DZIP1L: variants seen among roughly 807,000 people sequenced by gnomAD.
DZIP1L encodes cilium assembly protein DZIP1L.
In DZIP1L, 90 loss-of-function variants were observed where a neutral mutation model predicts 88.7. The observed-to-expected ratio is 1.02, with a 90% confidence interval of 0.86 to 1.21. The LOEUF (loss-of-function observed/expected upper bound fraction) is 1.21, where lower values mean the gene tolerates loss of function less well. Ranked by LOEUF, DZIP1L falls within the 50% of genes most tolerant of loss-of-function variation. The pLI is 0.00. For synonymous variants in DZIP1L, 363 were observed against 372.1 expected, an observed-to-expected ratio of 0.98 and a Z score of 0.28; for missense variants, 932 against 955.8, an observed-to-expected ratio of 0.98 and a Z score of 0.33.
intron 2 of DZIP1L, chr3:138,102,952 C>A (rs1455339383): frequency 5.8e-6 from 3 of 519,880 alleles, no homozygotes; most frequent in South Asian, 2.0e-5. Flanking sequence ...TGGGCTGAAC[C>A]AGGCGGAGAT....
chr3:138,062,787 C>A lies in DZIP1L; in HGVS notation c.*29G>T, dbSNP rs760057894. The A allele has an allele frequency of 6.2e-7, 1 of 1,612,182 alleles. No homozygotes were observed. Among genetic ancestry groups the A allele is most frequent in the Admixed American group, 1.7e-5 (1 of 59,996 alleles). On this transcript the variant is annotated 3_prime_UTR_variant, in exon 16 of 16. Transcript: ENST00000327532. Reference sequence around the variant, plus strand: ...CCTGAGCTGGCCCCAGCCAGGCTAACCCTCTAGCCAGCTAGCTTCTGGGGT... The same window carrying A: ...CCTGAGCTGGCCCCAGCCAGGCTAAACCTCTAGCCAGCTAGCTTCTGGGGT...
chr3:138,071,941 C>T (rs1943201054), intron 11 of DZIP1L, 106 bp from the exon 12 acceptor site: 2 of 1,124,744 alleles, frequency 1.8e-6, no homozygotes, highest in Non-Finnish European at 2.5e-6. Context: ...GTGATCAGTG[C>T]CTGGTGCTTT....
Position 138,067,570 on chromosome 3 carries a change from T to TTA in DZIP1L, c.1962_1963insTA (p.Thr655Ter), listed in dbSNP as rs1559821997. 1 of 1,610,460 alleles carries TTA rather than the reference T, an allele frequency of 6.2e-7. No individual in the cohort carries two copies. The highest frequency in any genetic ancestry group is 1.1e-5 in the South Asian group (1 of 90,396). ...GGGGGCTGGGCATTCTCCTCCGAGG[T>TTA]CTCTGTGTCAGACCAGTCCCAGTCA... On this transcript the variant is annotated frameshift_variant, in exon 14 of 16. Coordinates refer to ENST00000327532, the MANE Select transcript of DZIP1L (RefSeq NM_173543.3). LOFTEE classifies it high-confidence loss of function.
At chr3:138,068,122 G>A (rs745660963) in intron 13 of DZIP1L, 29 bp downstream of exon 13, 2 of 1,457,196 alleles carry the variant, frequency 1.4e-6, no homozygotes, top group Non-Finnish European at 1.8e-6. Context: ...CACTGCAGGT[G>A]GGGTGAGAGG....
At chr3:138,071,965 G>A (rs781547395) in intron 11 of DZIP1L, 130 bp from the exon 12 acceptor site, 8 of 877,504 alleles carry the variant, frequency 9.1e-6, no homozygotes, top group African/African-American at 1.7e-5. Context: ...TGCAGGACTG[G>A]GGGGCATGAA....
rs1942750818 is a variant in DZIP1L at position 138,062,781 on chromosome 3, G to A, written c.*35C>T. ...AGTGGACCTGAGCTGGCCCCAGCCA[G>A]GCTAACCCTCTAGCCAGCTAGCTTC... On this transcript the variant is annotated 3_prime_UTR_variant, in exon 16 of 16. Transcript: ENST00000327532. 2 of 1,611,486 alleles carry A rather than the reference G, an allele frequency of 1.2e-6. No individual in the cohort carries two copies. The highest frequency in any genetic ancestry group is 3.3e-5 in the Admixed American group (2 of 59,988).
At position 138,092,531 on chromosome 3, in the gene DZIP1L, A is replaced by G. The variant is rs878932080; in HGVS notation, c.722T>C (p.Ile241Thr). The G allele has an allele frequency of 1.9e-6, 3 of 1,586,044 alleles. No individual in the cohort carries two copies. Among genetic ancestry groups the G allele is most frequent in the African/African-American group, 2.7e-5 (2 of 73,352 alleles). The change falls in exon 5 of 16, where the codon ATT becomes ACT. Residue 241 changes from isoleucine (I) to threonine (T), a missense_variant. Transcript: ENST00000327532. The part of the protein sequence containing the change: ...RQRQLQEAEL[I>T]HQREIEAKKE... ...CTTAGCTTCTATTTCCCTCTGATGA[A>G]TGAGCTCTGCTTCCTAAAAAGAAGA...
intron 11 of DZIP1L, 129 bp from the exon 12 acceptor site, chr3:138,071,964 G>A (rs972252564): frequency 6.8e-6 from 6 of 876,568 alleles, no homozygotes; most frequent in Admixed American, 5.8e-5. Flanking sequence ...TTGCAGGACT[G>A]GGGGGCATGA....
At chr3:138,095,091 T>C in intron 3 of DZIP1L, 108 bp from the exon 4 acceptor site, 2 of 1,525,560 alleles carry the variant, frequency 1.3e-6, no homozygotes, top group Non-Finnish European at 1.8e-6. Flanking sequence ...CCAGCTTCGC[T>C]ACTTAGTACG....
At chr3:138,089,738 G>C (rs781179995) in intron 5 of DZIP1L, among the ~76,000 whole-genome samples, 1 of 152,106 alleles carries the variant, frequency 6.6e-6, no homozygotes, top group African/African-American at 2.4e-5. Context: ...TTGGTATCCA[G>C]TTTGATTCCT....
intron 1 of DZIP1L, among the ~76,000 whole-genome samples, chr3:138,105,137 A>G (rs1261014073): frequency 6.6e-6 from 1 of 152,194 alleles, no homozygotes; most frequent in Non-Finnish European, 1.5e-5. Context: ...CACACAAAAT[A>G]GGCATATATA....
chr3:138,106,127 CTTTTTTTTTTTT>C (rs56146259), intron 1 of DZIP1L, among the ~76,000 whole-genome samples: 5 of 64,532 alleles, frequency 7.7e-5, no homozygotes, highest in Middle Eastern at 0.018. Flanking sequence ...AGTCTTCTTT[CTTTTTTTTTTTT>C]TTTTTTTTTT....
intron 8 of DZIP1L, 139 bp downstream of exon 8, chr3:138,083,974 T>G: frequency 8.0e-7 from 1 of 1,251,710 alleles, no homozygotes; most frequent in Non-Finnish European, 1.1e-6. Flanking sequence ...GTGCCCTTCA[T>G]GCCAGAGGAC....
intron 12 of DZIP1L, chr3:138,068,977 T>C: frequency 7.8e-7 from 1 of 1,275,118 alleles, no homozygotes. Flanking sequence ...CAGACATGTG[T>C]GGATTGGGTC....
At chr3:138,068,440 T>G in intron 12 of DZIP1L, 73 bp from the exon 13 acceptor site, 2 of 1,228,158 alleles carry the variant, frequency 1.6e-6, no homozygotes, top group South Asian at 1.8e-5. Flanking sequence ...AGGGAGAAAG[T>G]GGCTCCAACA....
At chr3:138,099,441 T>C (rs1389368467) in intron 2 of DZIP1L, among the ~76,000 whole-genome samples, 1 of 152,144 alleles carries the variant, frequency 6.6e-6, no homozygotes, top group East Asian at 1.9e-4. Flanking sequence ...ATCTTCAGAG[T>C]GATAAGGGCA....
intron 5 of DZIP1L, 164 bp downstream of exon 5, chr3:138,092,219 A>C (rs1944269681): frequency 1.4e-6 from 1 of 706,008 alleles, no homozygotes. Context: ...ATTCAACCCC[A>C]AGGCGTCTGA....
At chr3:138,105,361 T>C (rs1266825890) in intron 1 of DZIP1L, among the ~76,000 whole-genome samples, 2 of 151,852 alleles carry the variant, frequency 1.3e-5, no homozygotes, top group East Asian at 1.9e-4. Context: ...GATCATTTTA[T>C]ATAAATATAT....
chr3:138,081,749 G>C lies in DZIP1L; in HGVS notation c.1219C>G (p.Leu407Val). ...SQEEMIQSLSLRKVEGIHKVP... is the reference protein window; with the variant it reads ...SQEEMIQSLSVRKVEGIHKVP... The stretch of plus-strand genomic sequence containing the variant: ...AGACACTTACCTTCCACCTTCCTGA[G>C]AGACAAGGACTGGATCTGCAAAGAG... The change falls in exon 9 of 16, where the codon CTC becomes GTC. Residue 407 changes from leucine to valine, a missense_variant. Leu to Val is a conservative substitution (Grantham distance 32). Transcript: ENST00000327532. 6.2e-7 allele frequency: 1 copy of C among 1,613,380 alleles called. No individual in the cohort carries two copies. The highest frequency in any genetic ancestry group is 8.5e-7 in the Non-Finnish European group (1 of 1,179,602).
Sources: allele counts gnomAD v4.1 joint callset (sites outside exome capture counted in the v4.1 genomes callset), GRCh38; gene constraint gnomAD v4.1.1; transcripts MANE v1.5; gene names NCBI Gene and HGNC (gene_info 2026-07-23, HGNC 2026-07-21).